POLA1: variants seen among roughly 807,000 people sequenced by gnomAD.
The protein encoded by POLA1 is DNA polymerase alpha 1, catalytic subunit.
POLA1 carries 15 observed loss-of-function variants against 124.0 expected under a neutral mutation model. The observed-to-expected ratio is 0.12, with a 90% CI of 0.08 to 0.19. The LOEUF (loss-of-function observed/expected upper bound fraction) is 0.19, where lower values mean the gene tolerates loss of function less well. Ranked by LOEUF, POLA1 falls within the 10% of genes least tolerant of loss-of-function variation. The pLI is 1.00. For missense variants in POLA1, 886 were observed against 1,103.4 expected (o/e 0.80, Z 2.79); for synonymous variants, 408 against 389.4 (o/e 1.05, Z -0.56).
chrX:24,965,953 CCT>C (rs1211567193), intron 36 of POLA1, among the ~76,000 whole-genome samples: 1 of 111,895 alleles, frequency 8.9e-6, no homozygotes, highest in Admixed American at 9.5e-5. Context: ...AATATTTTCA[CCT>C]CTGATTGGCA....
intron 26 of POLA1, among the ~76,000 whole-genome samples, chrX:24,753,317 C>CTATTT (rs368623044): frequency 0.053 from 4,751 of 89,572 alleles, 153 homozygotes; most frequent in African/African-American, 0.073. Flanking sequence ...CACGCCAGGC[C>CTATTT]TATTTTATTT....
chrX:24,901,727 T>TG (rs2147160987), intron 35 of POLA1, among the ~76,000 whole-genome samples: 1 of 111,395 alleles, frequency 9.0e-6, no homozygotes, highest in South Asian at 3.8e-4. Flanking sequence ...TGATAGGAGT[T>TG]GCTACTCCAA....
intron 16 of POLA1, 148 bp downstream of exon 16, chrX:24,732,602 T>G (rs1174469995): frequency 1.1e-5 from 4 of 367,628 alleles, no homozygotes; most frequent in African/African-American, 2.7e-5. Context: ...TTTTTTTGTT[T>G]TTTTTTTTTT....
Position 24,790,919 on chromosome X carries a change from A to G in POLA1, c.2965-18979A>G, listed in dbSNP as rs994591660. On this transcript the variant is annotated intron_variant, in intron 26 of 36. Coordinates refer to ENST00000379068, the MANE Select transcript of POLA1 (RefSeq NM_001330360.2). Reference sequence around the variant, plus strand: ...CATTTATTTATGTATATGTATATATATATATATATATATATATATATAAAA... The same window carrying G: ...CATTTATTTATGTATATGTATATATGTATATATATATATATATATATAAAA... Among the ~76,000 whole-genome samples the G allele has an allele frequency of 4.6e-4, 46 of 100,226 alleles. No individual in the cohort carries two copies. The South Asian group carries it at 0.018, about 39-fold the overall frequency. 87.0% of individuals were successfully genotyped at this position (100,226 alleles called of 115,157 possible).
chrX:24,948,753 ATTTGC>A (rs1300556259), intron 36 of POLA1, among the ~76,000 whole-genome samples: 1 of 112,033 alleles, frequency 8.9e-6, no homozygotes, highest in African/African-American at 3.2e-5. Context: ...GAATTAAAAG[ATTTGC>A]TTTGCTTTCT....
chrX:24,846,409 G>A (rs2046477240), intron 34 of POLA1, among the ~76,000 whole-genome samples: 1 of 111,847 alleles, frequency 8.9e-6, no homozygotes, highest in African/African-American at 3.2e-5. Flanking sequence ...GAGATTTGAT[G>A]AAGTGTTGAA....
At chrX:24,746,856 C>CTAAA (rs1722410268) in intron 24 of POLA1, among the ~76,000 whole-genome samples, 1 of 112,206 alleles carries the variant, frequency 8.9e-6, no homozygotes, top group Non-Finnish European at 1.9e-5. Context: ...ACTTGATGTA[C>CTAAA]TTTAAACCAA....
intron 4 of POLA1, among the ~76,000 whole-genome samples, chrX:24,705,240 AC>A: frequency 8.9e-6 from 1 of 111,914 alleles, no homozygotes; most frequent in African/African-American, 3.2e-5. Context: ...CATTTTTGTT[AC>A]CCCAAATGGA....
At chrX:24,900,726 A>G (rs916888569) in intron 35 of POLA1, among the ~76,000 whole-genome samples, 1 of 111,482 alleles carries the variant, frequency 9.0e-6, no homozygotes, top group Non-Finnish European at 1.9e-5. Flanking sequence ...CTTCTATGCA[A>G]TGGAGTGCAA....
intron 2 of POLA1, among the ~76,000 whole-genome samples, chrX:24,701,794 C>T (rs1928450189): frequency 9.3e-6 from 1 of 107,006 alleles, no homozygotes; most frequent in African/African-American, 3.4e-5. Context: ...CGCTCTCTCT[C>T]CCAGGCTGGA....
At chrX:24,777,949 T>C (rs1352733800) in intron 26 of POLA1, among the ~76,000 whole-genome samples, 1 of 112,186 alleles carries the variant, frequency 8.9e-6, no homozygotes, top group Admixed American at 9.4e-5. Flanking sequence ...AAAGTAATGT[T>C]ATATGGTCTT....
In POLA1 at chrX:24,717,292, G is replaced by A. The variant is rs1929909750; in HGVS notation, c.709G>A (p.Asp237Asn). The A allele has an allele frequency of 1.7e-6, 2 of 1,206,926 alleles. No individual in the cohort carries two copies. Among genetic ancestry groups the A allele is most frequent in the Non-Finnish European group, 2.2e-6 (2 of 891,171 alleles). Residue 237 changes from aspartate (D) to asparagine (N), a missense_variant and splice_region_variant, in exon 9 of 37, where the codon GAT becomes AAT. By Grantham distance (23) the Asp-to-Asn change is conservative. Around this residue, in one of 7 missense-constraint regions of POLA1, gnomAD observed 337 missense variants for 402.8 expected, o/e 0.84. Coordinates refer to ENST00000379068, the MANE Select transcript of POLA1 (RefSeq NM_001330360.2). ...VPLKRAEFAG[D>N]DVQVESTEEE... The stretch of plus-strand genomic sequence containing the variant: ...AGAATGTGTGATGATGCCTACAGGC[G>A]ATGATGTACAGGTCGAGAGTACAGA...
At position 24,712,086 on chromosome X, in the gene POLA1, TTTTG is replaced by T. The variant is rs773916862; in HGVS notation, c.347-2456_347-2453del. Among the ~76,000 whole-genome samples, 394 of 111,974 alleles carry T rather than the reference TTTTG, an allele frequency of 3.5e-3. 1 individual carries two copies. The highest frequency in any genetic ancestry group is 5.5e-3 in the Non-Finnish European group (292 of 53,167). ...CAGTGTGGTTTTCATTTGCATTTTT[TTTTG>T]TTTGTTTGTTTTTGAGACTGAGTCT... On this transcript the variant is annotated intron_variant, in intron 4 of 36. Transcript: ENST00000379068.
At chrX:24,748,235 G>A (rs1932131634) in intron 24 of POLA1, 76 bp from the exon 25 acceptor site, 1 of 698,661 alleles carries the variant, frequency 1.4e-6, no homozygotes, top group Non-Finnish European at 2.1e-6. Flanking sequence ...ATGGGGGAAA[G>A]CTCCTATAAA....
At chrX:24,935,611 C>A (rs1601887282) in intron 36 of POLA1, among the ~76,000 whole-genome samples, 1 of 112,824 alleles carries the variant, frequency 8.9e-6, no homozygotes, top group East Asian at 2.8e-4. Context: ...ATTCACTTCC[C>A]CTCTTGAGCC....
At chrX:24,925,699 C>T (rs1404974730) in intron 35 of POLA1, among the ~76,000 whole-genome samples, 1 of 111,868 alleles carries the variant, frequency 8.9e-6, no homozygotes, top group Non-Finnish European at 1.9e-5. Context: ...TTAATATGTG[C>T]TTCAAAGACA....
chrX:24,989,234 C>T (rs1448114642), intron 36 of POLA1, among the ~76,000 whole-genome samples: 1 of 111,084 alleles, frequency 9.0e-6, no homozygotes, highest in African/African-American at 3.3e-5. Flanking sequence ...ACACATTTCT[C>T]ACCTTCCTTT....
At chrX:24,918,265 T>G (rs1434710756) in intron 35 of POLA1, among the ~76,000 whole-genome samples, 1 of 109,863 alleles carries the variant, frequency 9.1e-6, no homozygotes, top group Non-Finnish European at 1.9e-5. Context: ...TTTTTGAAAA[T>G]TTCATTGTTA....
chrX:24,856,608 G>A (rs759044552), intron 34 of POLA1, among the ~76,000 whole-genome samples: 4 of 111,282 alleles, frequency 3.6e-5, no homozygotes, highest in African/African-American at 9.8e-5. Context: ...TTTCATTCCC[G>A]TCAGCAGCGT....
Sources: allele counts gnomAD v4.1 joint callset (sites outside exome capture counted in the v4.1 genomes callset), GRCh38; gene constraint gnomAD v4.1.1; regional missense constraint gnomAD v4.1.1; transcripts MANE v1.5; gene names NCBI Gene and HGNC (gene_info 2026-07-23, HGNC 2026-07-21).